Variants in RASGEF1C observed in about 807,000 individuals in gnomAD.
RASGEF1C encodes RasGEF domain family member 1C.
RASGEF1C carries 27 observed loss-of-function variants against 58.1 expected under a neutral mutation model. The observed-to-expected ratio is 0.46, with a 90% CI of 0.34 to 0.64. RASGEF1C has a LOEUF of 0.64. Ranked by LOEUF, RASGEF1C falls within the 30% of genes least tolerant of loss-of-function variation. The pLI, the probability that RASGEF1C is intolerant of heterozygous loss-of-function variation, is 0.01. For synonymous variants in RASGEF1C, 243 were observed against 246.3 expected, an observed-to-expected ratio of 0.99 and a Z score of 0.13; for missense variants, 502 against 605.1, an observed-to-expected ratio of 0.83 and a Z score of 1.79.
chr5:180,121,117 C>T lies in RASGEF1C; in HGVS notation c.747G>A (p.Glu249=). 3 of 1,614,094 alleles carry T rather than the reference C, an allele frequency of 1.9e-6. No homozygotes were observed. The highest frequency in any genetic ancestry group is 1.6e-4 in the Middle Eastern group (1 of 6,062). Residue 249 remains glutamate, a synonymous_variant, in exon 7 of 14, where the codon GAG becomes GAA. Coordinates refer to ENST00000361132, the MANE Select transcript of RASGEF1C (RefSeq NM_175062.4). ...GCCTGTTGAACCATTTCACATAAGCCTCCAGGTTGCTGGTCTTGTCACTGA... is the reference window on the plus strand; with the variant it reads ...GCCTGTTGAACCATTTCACATAAGCTTCCAGGTTGCTGGTCTTGTCACTGA... The part of the protein sequence containing the change: ...PCFSDKTSNL[E]AYVKWFNRLC...
Position 180,119,392 on chromosome 5 carries a change from G to A in RASGEF1C, c.861C>T (p.Arg287=), listed in dbSNP as rs148252591. Reference sequence around the variant, plus strand: ...TGAAGTTGCCGATGTTGAAGCACTCGCGGGCCACGTCGATGAAGAACTCAA... The same window carrying A: ...TGAAGTTGCCGATGTTGAAGCACTCACGGGCCACGTCGATGAAGAACTCAA... The part of the protein sequence containing the change: ...QVIEFFIDVA[R]ECFNIGNFNS... Residue 287 remains arginine (R), a synonymous_variant, in exon 8 of 14, where the codon CGC becomes CGT. Coordinates refer to ENST00000361132, the MANE Select transcript of RASGEF1C (RefSeq NM_175062.4). The A allele has an allele frequency of 1.8e-4, 289 of 1,614,180 alleles. No homozygotes were observed. Among genetic ancestry groups the A allele is most frequent in the East Asian group, 7.1e-4 (32 of 44,876 alleles).
chr5:180,149,686 C>T (rs537084176), intron 1 of RASGEF1C, among the ~76,000 whole-genome samples: 247 of 152,146 alleles, frequency 1.6e-3, no homozygotes, highest in Non-Finnish European at 2.9e-3. Context: ...CATCTCTTGA[C>T]CTCTCGATCC....
intron 1 of RASGEF1C, among the ~76,000 whole-genome samples, chr5:180,162,716 C>A (rs1360647866): frequency 6.6e-6 from 1 of 152,106 alleles, no homozygotes. Flanking sequence ...GTTCCTTTGC[C>A]TTTCTATATA....
intron 12 of RASGEF1C, among the ~76,000 whole-genome samples, chr5:180,107,692 T>C (rs1259196467): frequency 6.6e-6 from 1 of 152,236 alleles, no homozygotes; most frequent in Non-Finnish European, 1.5e-5. Context: ...CACTGCAATC[T>C]TTGCCTTCCA....
At chr5:180,109,926 C>G (rs188191194) in intron 12 of RASGEF1C, among the ~76,000 whole-genome samples, 4 of 149,894 alleles carry the variant, frequency 2.7e-5, no homozygotes, top group Non-Finnish European at 5.9e-5. Flanking sequence ...CAGCCCTCTG[C>G]TCTCCAGAAG....
In RASGEF1C at chr5:180,137,688, G is replaced by T; in HGVS notation, c.202C>A (p.Leu68Met). 6 of 1,613,026 alleles carry T rather than the reference G, an allele frequency of 3.7e-6. No individual in the cohort carries two copies. The highest frequency in any genetic ancestry group is 5.1e-6 in the Non-Finnish European group (6 of 1,180,014). ...PEKAYIFTFLLSSRLFIEPRE... is the reference protein window; with the variant it reads ...PEKAYIFTFLMSSRLFIEPRE... ...GGCTCGATGAAGAGGCGAGAGCTCA[G>T]CAGGAAGGTGAAGATGTAGGCTTTC... Residue 68 changes from leucine to methionine, a missense_variant, in exon 3 of 14, where the codon CTG becomes ATG. Coordinates refer to ENST00000361132, the MANE Select transcript of RASGEF1C (RefSeq NM_175062.4). This position sits in a 1 kb window ranked among gnomAD's most constrained non-coding sequence, Gnocchi z 4.1.
intron 4 of RASGEF1C, among the ~76,000 whole-genome samples, chr5:180,135,910 GCTA>G (rs1187265647): frequency 6.6e-6 from 1 of 152,250 alleles, no homozygotes; most frequent in Non-Finnish European, 1.5e-5. Flanking sequence ...CATTTTCCTT[GCTA>G]CTGTTTTTTT....
intron 1 of RASGEF1C, among the ~76,000 whole-genome samples, chr5:180,149,097 T>C (rs1288764277): frequency 1.1e-5 from 1 of 92,518 alleles, no homozygotes; most frequent in Non-Finnish European, 2.5e-5. Flanking sequence ...TCTTTTTTTT[T>C]TTTTTTTTTG....
chr5:180,176,237 G>A (rs994337661), intron 1 of RASGEF1C, among the ~76,000 whole-genome samples: 4 of 152,218 alleles, frequency 2.6e-5, no homozygotes, highest in African/African-American at 9.6e-5. Flanking sequence ...CCTGGAGGCA[G>A]GGGCCCCAGC....
At chr5:180,120,341 G>A (rs1234201528) in intron 7 of RASGEF1C, among the ~76,000 whole-genome samples, 23 of 152,334 alleles carry the variant, frequency 1.5e-4, no homozygotes, top group African/African-American at 4.8e-5. Flanking sequence ...CCATCGCCAC[G>A]TCGCATGGGG....
At chr5:180,161,250 G>C (rs1339981300) in intron 1 of RASGEF1C, among the ~76,000 whole-genome samples, 2 of 152,270 alleles carry the variant, frequency 1.3e-5, no homozygotes, top group Non-Finnish European at 2.9e-5. Flanking sequence ...GTGCAGGGAG[G>C]CCCTGAGGAC....
chr5:180,186,996 A>C (rs1755245860), intron 1 of RASGEF1C, among the ~76,000 whole-genome samples: 1 of 152,180 alleles, frequency 6.6e-6, no homozygotes, highest in Non-Finnish European at 1.5e-5. Context: ...CCCATCTTAA[A>C]ATACATATGG....
In RASGEF1C at chr5:180,163,039, A is replaced by G. The variant is rs1028221185; in HGVS notation, c.-6-24981T>C. ...TTTAGATGTTGGCTACCAATTGTTC[A>G]TAGCTAGCACAGAGAAATACAATTG... On this transcript the variant is annotated intron_variant, in intron 1 of 13. Transcript: ENST00000361132. Among the ~76,000 whole-genome samples, 7 of 152,148 alleles carry G rather than the reference A, an allele frequency of 4.6e-5. 1 individual carries two copies. In the South Asian group the frequency reaches 6.2e-4, roughly 14 times the overall value.
chr5:180,163,762 C>CA (rs1047047189), intron 1 of RASGEF1C, among the ~76,000 whole-genome samples: 6 of 151,878 alleles, frequency 4.0e-5, no homozygotes, highest in Non-Finnish European at 8.8e-5. Flanking sequence ...GTTTTGATTT[C>CA]AAAAAACCAA....
chr5:180,197,217 C>G lies in RASGEF1C; in HGVS notation c.-7+11811G>C, dbSNP rs11746060. The stretch of plus-strand genomic sequence containing the variant: ...GGTGCATCAGGCACACGGGAGCTCT[C>G]TGCCTTGCCTCCCTCAGCCACACAC... On this transcript the variant is annotated intron_variant, in intron 1 of 13. Transcript: ENST00000361132. This position sits in a 1 kb window ranked among gnomAD's most constrained non-coding sequence, Gnocchi z 4.7. 0.043 allele frequency among the ~76,000 whole-genome samples: 6,514 copies of G among 152,320 alleles called. 197 individuals carry two copies. The highest frequency in any genetic ancestry group is 0.072 in the Admixed American group (1,103 of 15,308).
At chr5:180,174,618 CTG>C (rs71001081) in intron 1 of RASGEF1C, among the ~76,000 whole-genome samples, 2,427 of 12,666 alleles carry the variant, frequency 0.19, 27 homozygotes, top group South Asian at 0.37. Flanking sequence ...ATGTGTGTGT[CTG>C]TGTGTGTGTG....
rs1034857069 is a variant in RASGEF1C, at chr5:180,177,431, G to C, written c.-7+31597C>G. Among the ~76,000 whole-genome samples, 1 of 152,202 alleles carries C rather than the reference G, an allele frequency of 6.6e-6. No individual in the cohort carries two copies. Among genetic ancestry groups the C allele is most frequent in the Non-Finnish European group, 1.5e-5 (1 of 68,040 alleles). ...CGGTGAGTGCCTGCGCAATCTGCCC[G>C]GCTGGGCCGCAGCAGTCCACGGGCA... On this transcript the variant is annotated intron_variant, in intron 1 of 13. Transcript: ENST00000361132. This position sits in a 1 kb window ranked among gnomAD's most constrained non-coding sequence, Gnocchi z 5.0.
rs1425366039 is a variant in RASGEF1C, at chr5:180,209,100, C to G, written c.-79G>C. 1.4e-5 allele frequency: 2 copies of G among 141,290 alleles called. No homozygotes were observed. Among genetic ancestry groups the G allele is most frequent in the Non-Finnish European group, 3.1e-5 (2 of 64,252 alleles). The allele number at this position is 141,290 out of a possible 1,614,324, so 8.8% of individuals were successfully genotyped here. On this transcript the variant is annotated 5_prime_UTR_variant, in exon 1 of 14. Coordinates refer to ENST00000361132, the MANE Select transcript of RASGEF1C (RefSeq NM_175062.4). ...CGGTGCGAGCCTCGGCGCCGCGGAC[C>G]GGGGCGCCGCCCGCCGCCGCCGCCG...
intron 1 of RASGEF1C, among the ~76,000 whole-genome samples, chr5:180,163,618 C>T (rs1455544477): frequency 6.6e-6 from 1 of 151,898 alleles, no homozygotes; most frequent in East Asian, 1.9e-4. Context: ...CAGGATAAAC[C>T]CCACTTGGTC....
Sources: gnomAD v4.1 joint callset for allele counts (sites outside exome capture counted in the v4.1 genomes callset) on GRCh38, gnomAD v4.1.1 for gene constraint, Gnocchi (gnomAD v3.1) non-coding constraint, MANE v1.5 for transcripts, NCBI Gene and HGNC (gene_info 2026-07-23, HGNC 2026-07-21) for gene names.